Variants in ZMYM4 observed in about 807,000 individuals in gnomAD.
ZMYM4 encodes the protein zinc finger MYM-type containing 4.
ZMYM4 carries 31 observed loss-of-function variants against 183.2 expected under a neutral mutation model. That is an observed-to-expected ratio of 0.17 (90% confidence interval 0.13 to 0.23). The LOEUF is 0.23. Ranked by LOEUF, ZMYM4 falls within the 10% of genes least tolerant of loss-of-function variation. ZMYM4 has a pLI of 1.00. For missense variants in ZMYM4, 1,273 were observed against 1,840.3 expected (o/e 0.69, Z 5.64); for synonymous variants, 592 against 631.2 (o/e 0.94, Z 0.93).
intron 1 of ZMYM4, among the ~76,000 whole-genome samples, chr1:35,302,200 C>CTTTTGTTTT (rs1641313013): frequency 1.7e-5 from 1 of 58,556 alleles, no homozygotes; most frequent in African/African-American, 6.4e-5. Context: ...ACGGCTCTTG[C>CTTTTGTTTT]TTTTTTTTTT....
At chr1:35,278,241 C>T (rs1350797135) in intron 1 of ZMYM4, among the ~76,000 whole-genome samples, 1 of 151,894 alleles carries the variant, frequency 6.6e-6, no homozygotes, top group Admixed American at 6.6e-5. Context: ...ACCATAATTA[C>T]CTCTCCAAAG....
At position 35,359,227 on chromosome 1, in the gene ZMYM4, A is replaced by T. The variant is rs778837371; in HGVS notation, c.388A>T (p.Ile130Phe). ...HESDNENEIQ[I>F]QNKLKKDFPK... is the part of the protein sequence containing the mutation. The stretch of plus-strand genomic sequence containing the variant: ...ATCAGACAATGAAAATGAAATACAA[A>T]TTCAAAATAAGTTAAAAAAAGACTT... Residue 130 changes from isoleucine (I) to phenylalanine (F), a missense_variant, in exon 3 of 30, where the codon ATT becomes TTT. This residue lies in a region of ZMYM4 where 384 missense variants were observed against 465.6 expected (regional missense o/e 0.82). Transcript: ENST00000314607. The T allele has an allele frequency of 1.9e-6, 3 of 1,610,330 alleles. No homozygotes were observed. Among genetic ancestry groups the T allele is most frequent in the African/African-American group, 1.3e-5 (1 of 74,626 alleles).
intron 1 of ZMYM4, among the ~76,000 whole-genome samples, chr1:35,281,826 C>T (rs1348362638): frequency 2.0e-5 from 3 of 152,106 alleles, no homozygotes; most frequent in Admixed American, 6.5e-5. Flanking sequence ...TGGTCCCTTG[C>T]GCCAGCCTCT....
At chr1:35,341,868 A>G (rs1643212324) in intron 2 of ZMYM4, among the ~76,000 whole-genome samples, 1 of 152,156 alleles carries the variant, frequency 6.6e-6, no homozygotes, top group Non-Finnish European at 1.5e-5. Flanking sequence ...ACATTAAAAA[A>G]TATATGTTCC....
intron 2 of ZMYM4, among the ~76,000 whole-genome samples, chr1:35,341,889 T>G (rs1225579296): frequency 6.6e-6 from 1 of 152,174 alleles, no homozygotes; most frequent in Non-Finnish European, 1.5e-5. Context: ...CATTCTACCT[T>G]GAGGAATGGC....
intron 28 of ZMYM4, among the ~76,000 whole-genome samples, chr1:35,417,751 T>G (rs533462992): frequency 6.6e-6 from 1 of 152,298 alleles, no homozygotes; most frequent in South Asian, 2.1e-4. Flanking sequence ...GGTTCATGCC[T>G]GTAATCCCAG....
intron 2 of ZMYM4, among the ~76,000 whole-genome samples, chr1:35,325,718 C>G (rs1417882057): frequency 6.6e-6 from 1 of 151,610 alleles, no homozygotes. Flanking sequence ...CTTTTATTTT[C>G]TTTTAAAATT....
intron 7 of ZMYM4, among the ~76,000 whole-genome samples, chr1:35,380,905 T>C (rs1027623187): frequency 4.6e-5 from 7 of 152,200 alleles, no homozygotes; most frequent in African/African-American, 1.4e-4. Flanking sequence ...TACAGTATTT[T>C]TTAAAGAATA....
chr1:35,286,772 A>ATTTTTTTTTTTTTTTTTTTTTTT (rs71062872), intron 1 of ZMYM4, among the ~76,000 whole-genome samples: 1 of 46,462 alleles, frequency 2.2e-5, no homozygotes, highest in African/African-American at 6.6e-5. Flanking sequence ...TATTTAAATA[A>ATTTTTTTTTTTTTTTTTTTTTTT]TTTTTTTTTT....
rs562431024 is a variant in ZMYM4 at position 35,298,135 on chromosome 1, C to T, written c.40-27225C>T. 1.4e-4 allele frequency among the ~76,000 whole-genome samples: 22 copies of T among 152,298 alleles called. No homozygotes were observed. In the Middle Eastern group the frequency reaches 0.01, roughly 71 times the overall value. On this transcript the variant is annotated intron_variant, in intron 1 of 29. Transcript: ENST00000314607. ...AGATCTTGTTGGAGAAGGTGTGGTC[C>T]ACTGGATGCTGGAAACATCTGAGGT...
chr1:35,316,523 T>A (rs1447030269), intron 1 of ZMYM4, among the ~76,000 whole-genome samples: 2 of 152,234 alleles, frequency 1.3e-5, no homozygotes, highest in Admixed American at 1.3e-4. Context: ...CAGTGACTAA[T>A]CACATCACTT....
In ZMYM4 at chr1:35,325,343, C is replaced by T. The variant is rs769127456; in HGVS notation, c.40-17C>T. On this transcript the variant is annotated splice_polypyrimidine_tract_variant and intron_variant, in intron 1 of 29. Coordinates refer to ENST00000314607, the MANE Select transcript of ZMYM4 (RefSeq NM_005095.3). ...GATATGATGGTAATGTTACTTTTTC[C>T]TTTTTTGCTTTTCCAGTTTGAACAA... The T allele has an allele frequency of 1.9e-6, 3 of 1,596,280 alleles. No individual in the cohort carries two copies. Among genetic ancestry groups the T allele is most frequent in the East Asian group, 4.5e-5 (2 of 44,122 alleles).
intron 1 of ZMYM4, among the ~76,000 whole-genome samples, chr1:35,288,007 A>G (rs1281693335): frequency 6.6e-6 from 1 of 152,156 alleles, no homozygotes; most frequent in Non-Finnish European, 1.5e-5. Context: ...TTCTTCACAT[A>G]TTATCTCTAT....
In ZMYM4 at chr1:35,345,526, C is replaced by T. The variant is rs955691276; in HGVS notation, c.86-13399C>T. 6.8e-4 allele frequency among the ~76,000 whole-genome samples: 104 copies of T among 151,992 alleles called. 1 individual carries two copies. The highest frequency in any genetic ancestry group is 1.8e-3 in the African/African-American group (73 of 41,442). On this transcript the variant is annotated intron_variant, in intron 2 of 29. Coordinates refer to ENST00000314607, the MANE Select transcript of ZMYM4 (RefSeq NM_005095.3). ...CTAGAGGGCAGTGGTGCGATCTCGA[C>T]TCACTGCCATCTCCGTCTCCCGGGC...
In ZMYM4 at chr1:35,392,639, A is replaced by G; in HGVS notation, c.2729-8A>G. ...AGATCCTAAATTTATGTTTTAATTTATATCAAGGTGCAGTTCCAACAGTAA... is the reference window on the plus strand; with the variant it reads ...AGATCCTAAATTTATGTTTTAATTTGTATCAAGGTGCAGTTCCAACAGTAA... On this transcript the variant is annotated splice_region_variant and splice_polypyrimidine_tract_variant and intron_variant, in intron 16 of 29. Transcript: ENST00000314607. The G allele has an allele frequency of 1.9e-6, 3 of 1,590,178 alleles. No homozygotes were observed. Among genetic ancestry groups the G allele is most frequent in the Non-Finnish European group, 2.6e-6 (3 of 1,171,926 alleles).
chr1:35,342,466 C>T (rs1333025799), intron 2 of ZMYM4, among the ~76,000 whole-genome samples: 2 of 152,064 alleles, frequency 1.3e-5, no homozygotes, highest in African/African-American at 4.8e-5. Flanking sequence ...TCATTTAAGT[C>T]GTCCCTGTCT....
At chr1:35,368,616 G>A (rs2148930646) in intron 5 of ZMYM4, among the ~76,000 whole-genome samples, 1 of 152,044 alleles carries the variant, frequency 6.6e-6, no homozygotes, top group East Asian at 1.9e-4. Flanking sequence ...TTTTGGGGAG[G>A]AAAACAACCT....
At chr1:35,323,685 G>A (rs937223415) in intron 1 of ZMYM4, among the ~76,000 whole-genome samples, 8 of 151,404 alleles carry the variant, frequency 5.3e-5, no homozygotes, top group African/African-American at 1.7e-4. Flanking sequence ...CCTGAGTAGC[G>A]GGGACTACAG....
At chr1:35,303,900 T>C (rs1403171409) in intron 1 of ZMYM4, among the ~76,000 whole-genome samples, 1 of 152,228 alleles carries the variant, frequency 6.6e-6, no homozygotes, top group Non-Finnish European at 1.5e-5. Flanking sequence ...TTTAAAGCTA[T>C]AGACATTTCT....
Sources: gnomAD v4.1 joint callset for allele counts (sites outside exome capture counted in the v4.1 genomes callset) on GRCh38, gnomAD v4.1.1 for gene constraint, gnomAD v4.1.1 regional missense constraint, MANE v1.5 for transcripts, NCBI Gene and HGNC (gene_info 2026-07-23, HGNC 2026-07-21) for gene names.